The following FER variants were observed in gnomAD, a reference collection of about 807,000 sequenced individuals.
The protein encoded by FER is tyrosine-protein kinase Fer.
A neutral mutation model predicts 111.0 loss-of-function variants in FER; 63 were observed. That is an observed-to-expected ratio of 0.57 (90% CI 0.46 to 0.70). FER has a LOEUF of 0.70. Ranked by LOEUF, FER falls within the 30% of genes least tolerant of loss-of-function variation. The pLI, the probability that FER is intolerant of heterozygous loss-of-function variation, is 0.00. For synonymous variants in FER, 327 were observed against 313.9 expected (o/e 1.04, Z -0.44); for missense variants, 914 against 954.0 (o/e 0.96, Z 0.55).
intron 17 of FER, among the ~76,000 whole-genome samples, chr5:109,149,479 T>C (rs1390971639): frequency 6.6e-6 from 1 of 152,202 alleles, no homozygotes; most frequent in Non-Finnish European, 1.5e-5. Context: ...AATTTCTTTA[T>C]TTTGAACTAC....
intron 3 of FER, among the ~76,000 whole-genome samples, chr5:108,801,133 G>A (rs549531569): frequency 6.6e-6 from 1 of 152,216 alleles, no homozygotes; most frequent in Non-Finnish European, 1.5e-5. Context: ...AGTTTTGTTT[G>A]TAGGTCTATG....
In FER at chr5:108,945,984, T is replaced by C. The variant is rs544601357; in HGVS notation, c.1237-146T>C. The C allele has an allele frequency of 3.7e-5, 20 of 547,796 alleles. No homozygotes were observed. In the East Asian group the frequency reaches 5.9e-4, roughly 16 times the overall value. 33.9% of individuals were successfully genotyped at this position (547,796 alleles called of 1,614,324 possible). The stretch of plus-strand genomic sequence containing the variant: ...TATAGAGTTTATGTGTATTTGGTTA[T>C]TTGTTATCTTGAATGTCAGGAAGTT... On this transcript the variant is annotated intron_variant, in intron 10 of 19. Transcript: ENST00000281092.
intron 13 of FER, among the ~76,000 whole-genome samples, chr5:109,035,569 G>A (rs1342561435): frequency 6.6e-6 from 1 of 152,066 alleles, no homozygotes; most frequent in Non-Finnish European, 1.5e-5. Flanking sequence ...CTAGTTTTTG[G>A]CTATTACAAA....
chr5:109,071,667 T>C (rs1165384128), intron 16 of FER, among the ~76,000 whole-genome samples: 1 of 151,988 alleles, frequency 6.6e-6, no homozygotes, highest in African/African-American at 2.4e-5. Context: ...GGGTTTTTTT[T>C]TCCTTGTTCC....
At chr5:108,967,342 C>A (rs895095408) in intron 13 of FER, among the ~76,000 whole-genome samples, 1 of 152,118 alleles carries the variant, frequency 6.6e-6, no homozygotes, top group Non-Finnish European at 1.5e-5. Flanking sequence ...TGGTTTCTCT[C>A]CCAGTGTGGC....
intron 5 of FER, among the ~76,000 whole-genome samples, chr5:108,843,769 C>T (rs994057385): frequency 1.3e-5 from 2 of 151,876 alleles, no homozygotes; most frequent in African/African-American, 2.4e-5. Context: ...CCTCGTAATC[C>T]ACCCACCTCA....
chr5:109,134,183 T>C (rs1415564883), intron 17 of FER, among the ~76,000 whole-genome samples: 1 of 152,064 alleles, frequency 6.6e-6, no homozygotes, highest in Non-Finnish European at 1.5e-5. Context: ...TATTCCATTG[T>C]GTTGGTATAA....
At chr5:109,037,745 A>G (rs1770598128) in intron 14 of FER, among the ~76,000 whole-genome samples, 1 of 152,056 alleles carries the variant, frequency 6.6e-6, no homozygotes, top group Admixed American at 6.6e-5. Context: ...TAATGATTTT[A>G]CTTCAGTGTG....
rs1220929234 is a variant in FER, at chr5:109,094,559, A to G, written c.1925-5837A>G. 5.9e-5 allele frequency among the ~76,000 whole-genome samples: 9 copies of G among 152,246 alleles called. No individual in the cohort carries two copies. The East Asian group carries it at 1.7e-3, about 29-fold the overall frequency. On this transcript the variant is annotated intron_variant, in intron 16 of 19. Coordinates refer to ENST00000281092, the MANE Select transcript of FER (RefSeq NM_005246.4). ...TCTGTACCTTAGAACAGTGGTTGAC[A>G]AATTTTTTTTATAACGGGCCAGATA...
intron 16 of FER, among the ~76,000 whole-genome samples, chr5:109,057,866 A>T (rs182972357): frequency 4.9e-4 from 75 of 152,326 alleles, no homozygotes; most frequent in Admixed American, 1.4e-3. Context: ...ATATTTCTAA[A>T]CTCATTATTT....
intron 10 of FER, among the ~76,000 whole-genome samples, chr5:108,903,748 G>T (rs1750369466): frequency 6.6e-6 from 1 of 152,050 alleles, no homozygotes; most frequent in African/African-American, 2.4e-5. Context: ...TATTCACTGA[G>T]TTCTTAAGTA....
chr5:108,920,093 G>A (rs1420434893), intron 10 of FER, among the ~76,000 whole-genome samples: 1 of 152,014 alleles, frequency 6.6e-6, no homozygotes, highest in African/African-American at 2.4e-5. Flanking sequence ...GTTCTTTTTA[G>A]TTATGTAATA....
At chr5:108,958,087 G>A (rs767729596) in intron 12 of FER, among the ~76,000 whole-genome samples, 43 of 151,630 alleles carry the variant, frequency 2.8e-4, no homozygotes, top group Non-Finnish European at 5.3e-4. Flanking sequence ...CCATAGTTAA[G>A]TGTTAAAGTA....
chr5:108,846,581 ATATTTTTTATTTATT>A (rs1429775157), intron 5 of FER, among the ~76,000 whole-genome samples: 2 of 151,670 alleles, frequency 1.3e-5, no homozygotes, highest in African/African-American at 4.8e-5. Context: ...TTTTATTTAT[ATATTTTTTATTTATT>A]TATTTTGAGA....
At chr5:108,858,385 T>A (rs1580905100) in intron 5 of FER, among the ~76,000 whole-genome samples, 1 of 152,192 alleles carries the variant, frequency 6.6e-6, no homozygotes, top group Non-Finnish European at 1.5e-5. Flanking sequence ...GTTTAAAGCT[T>A]TTTTTGTCTT....
chr5:108,805,721 A>C (rs1311937940), intron 3 of FER, among the ~76,000 whole-genome samples: 1 of 152,144 alleles, frequency 6.6e-6, no homozygotes, highest in Non-Finnish European at 1.5e-5. Flanking sequence ...CTAGAGATTT[A>C]TCGAAATTTG....
chr5:109,052,597 T>C (rs1691337413), intron 16 of FER: 1 of 584,522 alleles, frequency 1.7e-6, no homozygotes, highest in Non-Finnish European at 3.0e-6. Flanking sequence ...CCGCTGCTGT[T>C]TGTTACTTTC....
At chr5:108,932,747 T>G (rs918486858) in intron 10 of FER, among the ~76,000 whole-genome samples, 2 of 152,104 alleles carry the variant, frequency 1.3e-5, no homozygotes, top group Non-Finnish European at 2.9e-5. Flanking sequence ...CTCATTGTGG[T>G]TTTGATTTGC....
At chr5:108,908,190 A>G (rs1751050941) in intron 10 of FER, among the ~76,000 whole-genome samples, 1 of 152,234 alleles carries the variant, frequency 6.6e-6, no homozygotes, top group Non-Finnish European at 1.5e-5. Context: ...TAATGCGGAT[A>G]TATTGTTTGA....
Sources: allele counts gnomAD v4.1 joint callset (sites outside exome capture counted in the v4.1 genomes callset), GRCh38; gene constraint gnomAD v4.1.1; transcripts MANE v1.5; gene names NCBI Gene and HGNC (gene_info 2026-07-23, HGNC 2026-07-21).